Variants in ZBTB7C observed in about 807,000 individuals in gnomAD.
The protein encoded by ZBTB7C is zinc finger and BTB domain-containing protein 7C.
ZBTB7C carries 8 observed loss-of-function variants against 25.7 expected under a neutral mutation model. The ratio of observed to expected loss-of-function variants is 0.31; its 90% CI spans 0.18 to 0.56. ZBTB7C has a LOEUF of 0.56. ZBTB7C is among the 20% of genes least tolerant of loss of function. The pLI, the probability that ZBTB7C is intolerant of heterozygous loss-of-function variation, is 0.91. For synonymous variants in ZBTB7C, 394 were observed against 369.0 expected (o/e 1.07, Z -0.78); for missense variants, 824 against 855.2 (o/e 0.96, Z 0.46).
At chr18:48,377,909 C>T (rs772592958) in intron 1 of ZBTB7C, among the ~76,000 whole-genome samples, 2 of 152,260 alleles carry the variant, frequency 1.3e-5, no homozygotes, top group East Asian at 1.9e-4. Context: ...CGGTGGCTCA[C>T]GCCTGTAATC....
intron 3 of ZBTB7C, among the ~76,000 whole-genome samples, chr18:48,097,308 C>T (rs2038668811): frequency 6.6e-6 from 1 of 152,204 alleles, no homozygotes; most frequent in Admixed American, 6.5e-5. Flanking sequence ...AGTGGGTAAT[C>T]AGTTGTATAG....
intron 2 of ZBTB7C, among the ~76,000 whole-genome samples, chr18:48,297,550 G>A (rs538538119): frequency 2.6e-5 from 4 of 152,054 alleles, no homozygotes; most frequent in East Asian, 1.9e-4. Flanking sequence ...TGCCATGTTC[G>A]TCTGGAACAT....
chr18:48,133,220 C>T (rs2040040785), intron 3 of ZBTB7C, among the ~76,000 whole-genome samples: 1 of 152,188 alleles, frequency 6.6e-6, no homozygotes, highest in South Asian at 2.1e-4. Context: ...ATGGGGGGAA[C>T]CTCCTTCTCA....
At chr18:48,412,404 A>G (rs1391217695), upstream of ZBTB7C, among the ~76,000 whole-genome samples, 1 of 152,188 alleles carries the variant, frequency 6.6e-6, no homozygotes, top group Non-Finnish European at 1.5e-5. Flanking sequence ...TGTATGCAAT[A>G]TATTTTGTTG....
chr18:48,138,405 G>A (rs1425540191), intron 3 of ZBTB7C, among the ~76,000 whole-genome samples: 2 of 152,188 alleles, frequency 1.3e-5, no homozygotes, highest in Admixed American at 6.5e-5. Flanking sequence ...GGAAACTTGT[G>A]TCAGGAAGGC....
intron 2 of ZBTB7C, among the ~76,000 whole-genome samples, chr18:48,221,074 T>C (rs117588981): frequency 0.13 from 19,251 of 150,146 alleles, 1,576 homozygotes; most frequent in Non-Finnish European, 0.18. Context: ...CTCTATACTG[T>C]CCCAGTCTCC....
chr18:48,404,855 C>T lies in ZBTB7C; in HGVS notation c.-304+4371G>A, dbSNP rs369542749. ...GTCCAGCCCTTGCTGATGCTGAGGACGTGAAGATGAGCAACATGCCAGCCC... is the reference window on the plus strand; with the variant it reads ...GTCCAGCCCTTGCTGATGCTGAGGATGTGAAGATGAGCAACATGCCAGCCC... On this transcript the variant is annotated intron_variant, in intron 1 of 4. Coordinates refer to ENST00000590800, the MANE Select transcript of ZBTB7C (RefSeq NM_001318841.2). 1.6e-3 allele frequency among the ~76,000 whole-genome samples: 243 copies of T among 152,320 alleles called. 1 individual carries two copies. Among genetic ancestry groups the T allele is most frequent in the African/African-American group, 5.4e-3 (225 of 41,572 alleles).
chr18:48,402,653 C>A (rs567981736), intron 1 of ZBTB7C, among the ~76,000 whole-genome samples: 1 of 152,120 alleles, frequency 6.6e-6, no homozygotes, highest in Non-Finnish European at 1.5e-5. Flanking sequence ...AGAAAGGAAC[C>A]TTTCTGTTTA....
chr18:48,036,840 G>C (rs1458588005), intron 4 of ZBTB7C, among the ~76,000 whole-genome samples: 1 of 152,188 alleles, frequency 6.6e-6, no homozygotes, highest in Non-Finnish European at 1.5e-5. Flanking sequence ...GGTCCCCGTG[G>C]AAAGGCTGCA....
chr18:48,094,154 G>C (rs926526270), intron 3 of ZBTB7C, among the ~76,000 whole-genome samples: 3 of 152,226 alleles, frequency 2.0e-5, no homozygotes, highest in Admixed American at 2.0e-4. Flanking sequence ...TCTGGCTACT[G>C]TTCAACTGCT....
At chr18:48,085,359 C>A (rs2038155055) in intron 3 of ZBTB7C, among the ~76,000 whole-genome samples, 1 of 152,148 alleles carries the variant, frequency 6.6e-6, no homozygotes, top group African/African-American at 2.4e-5. Context: ...TACCTCTCCC[C>A]CAGGAGAAGT....
In ZBTB7C at chr18:48,371,892, C is replaced by T. The variant is rs964822415; in HGVS notation, c.-303-33494G>A. Among the ~76,000 whole-genome samples, 7 of 152,354 alleles carry T rather than the reference C, an allele frequency of 4.6e-5. No individual in the cohort carries two copies. The South Asian group carries it at 6.2e-4, about 14-fold the overall frequency. On this transcript the variant is annotated intron_variant, in intron 1 of 4. Transcript: ENST00000590800. ...TGCCTCCAGCACCCATGGCTCCAAT[C>T]GCCAGCTGATCACTCACTCCACACA...
intron 2 of ZBTB7C, among the ~76,000 whole-genome samples, chr18:48,323,042 CA>C (rs948468334): frequency 1.3e-5 from 2 of 152,040 alleles, no homozygotes; most frequent in African/African-American, 4.8e-5. Flanking sequence ...GTTGGGGACT[CA>C]GGGGAAAGGG....
chr18:48,034,991 G>A (rs947737843), intron 4 of ZBTB7C, among the ~76,000 whole-genome samples: 1 of 152,124 alleles, frequency 6.6e-6, no homozygotes, highest in African/African-American at 2.4e-5. Context: ...TAACCCGATG[G>A]TTTGAGACAC....
chr18:48,239,400 C>A (rs977656979), intron 2 of ZBTB7C, among the ~76,000 whole-genome samples: 1 of 152,188 alleles, frequency 6.6e-6, no homozygotes, highest in Non-Finnish European at 1.5e-5. Context: ...ACTGCTAGCA[C>A]AACCAGCATT....
chr18:48,385,447 T>C (rs1301297521), intron 1 of ZBTB7C, among the ~76,000 whole-genome samples: 1 of 152,112 alleles, frequency 6.6e-6, no homozygotes, highest in East Asian at 1.9e-4. Flanking sequence ...TCAGTTCCTA[T>C]CCCAGCCAAC....
chr18:48,183,846 C>T (rs1474186141), intron 3 of ZBTB7C, among the ~76,000 whole-genome samples: 2 of 152,230 alleles, frequency 1.3e-5, no homozygotes, highest in East Asian at 3.9e-4. Flanking sequence ...TCAGACATCA[C>T]TGCAGTGCAG....
intron 1 of ZBTB7C, among the ~76,000 whole-genome samples, chr18:48,370,354 T>C (rs1568406578): frequency 1.3e-5 from 2 of 152,232 alleles, no homozygotes; most frequent in Admixed American, 6.5e-5. Context: ...ATTCCATTTA[T>C]ATAATATTCT....
intron 3 of ZBTB7C, chr18:48,137,028 C>T: frequency 1.0e-6 from 1 of 985,268 alleles, no homozygotes; most frequent in Non-Finnish European, 1.2e-6. Context: ...GGGGACGCCG[C>T]GCTCGTGCCC....
Sources: gnomAD v4.1 joint callset for allele counts (sites outside exome capture counted in the v4.1 genomes callset) on GRCh38, gnomAD v4.1.1 for gene constraint, MANE v1.5 for transcripts, NCBI Gene and HGNC (gene_info 2026-07-23, HGNC 2026-07-21) for gene names.